NWD2: variants seen among roughly 807,000 people sequenced by gnomAD.
The protein encoded by NWD2 is NACHT and WD repeat domain-containing protein 2.
In NWD2, 37 loss-of-function variants were observed where a neutral mutation model predicts 132.7. The observed-to-expected ratio is 0.28, with a 90% CI of 0.21 to 0.37. The LOEUF (loss-of-function observed/expected upper bound fraction) is 0.37, where lower values mean the gene tolerates loss of function less well. Ranked by LOEUF, NWD2 falls within the 10% of genes least tolerant of loss-of-function variation. The pLI, the probability that NWD2 is intolerant of heterozygous loss-of-function variation, is 1.00. For synonymous variants in NWD2, 705 were observed against 803.0 expected, an observed-to-expected ratio of 0.88 and a Z score of 2.06; for missense variants, 1,592 against 2,122.4, an observed-to-expected ratio of 0.75 and a Z score of 4.91.
chr4:37,378,095 CCTAA>C (rs1403023528), intron 3 of NWD2, among the ~76,000 whole-genome samples: 1 of 152,048 alleles, frequency 6.6e-6, no homozygotes, highest in Non-Finnish European at 1.5e-5. Flanking sequence ...GATTTCTAAG[CCTAA>C]CTTTGATTAT....
intron 1 of NWD2, among the ~76,000 whole-genome samples, chr4:37,301,896 G>T (rs1246906072): frequency 1.1e-5 from 1 of 94,432 alleles, no homozygotes; most frequent in East Asian, 2.0e-4. Context: ...TCAAGGCATT[G>T]TTAGAAAGTA....
intron 2 of NWD2, among the ~76,000 whole-genome samples, chr4:37,346,423 G>A (rs1719638246): frequency 6.6e-6 from 1 of 152,120 alleles, no homozygotes; most frequent in South Asian, 2.1e-4. Context: ...TGGTTTTGTA[G>A]TAAGTTTGAA....
chr4:37,410,002 G>A (rs1392707222), intron 3 of NWD2, among the ~76,000 whole-genome samples: 1 of 152,112 alleles, frequency 6.6e-6, no homozygotes, highest in African/African-American at 2.4e-5. Flanking sequence ...AGCTCCTGAA[G>A]GAAGCACTAA....
chr4:37,253,111 T>C (rs73807455), intron 1 of NWD2, among the ~76,000 whole-genome samples: 11,036 of 152,076 alleles, frequency 0.073, 588 homozygotes, highest in East Asian at 0.2. Context: ...TAGTAAGTCC[T>C]CAACAAGTGT....
intron 2 of NWD2, among the ~76,000 whole-genome samples, chr4:37,343,964 CTAAGAAGTTTT>C (rs1389492085): frequency 3.3e-5 from 5 of 151,910 alleles, no homozygotes; most frequent in African/African-American, 1.2e-4. Context: ...ATTAGCTTCC[CTAAGAAGTTTT>C]TAAAACAACT....
intron 3 of NWD2, among the ~76,000 whole-genome samples, chr4:37,415,049 G>A (rs1343449842): frequency 6.6e-6 from 1 of 152,152 alleles, no homozygotes; most frequent in African/African-American, 2.4e-5. Flanking sequence ...CTTTATTTAA[G>A]ACATATATTG....
At chr4:37,438,431 C>A (rs1372621099) in intron 5 of NWD2, among the ~76,000 whole-genome samples, 1 of 152,084 alleles carries the variant, frequency 6.6e-6, no homozygotes, top group Non-Finnish European at 1.5e-5. Flanking sequence ...TCTTTCCTGG[C>A]CCAGATGGGT....
intron 1 of NWD2, among the ~76,000 whole-genome samples, chr4:37,274,921 G>A (rs563116612): frequency 1.6e-4 from 24 of 152,064 alleles, no homozygotes; most frequent in African/African-American, 5.3e-4. Flanking sequence ...GTAATGATGG[G>A]ACATATCTCA....
Position 37,439,592 on chromosome 4 carries a change from C to A in NWD2, c.1296+202C>A, listed in dbSNP as rs1331175109. ...AAACTCATGGGGTACAACTGGAAAG[C>A]AAGTTTATTTTTTTCTTTCACTGTT... On this transcript the variant is annotated intron_variant, in intron 6 of 6. Transcript: ENST00000309447. The surrounding 1 kb of genome is among the most constrained non-coding windows in gnomAD (Gnocchi z 4.5). 6.6e-6 allele frequency among the ~76,000 whole-genome samples: 1 copy of A among 152,126 alleles called. No homozygotes were observed. The highest frequency in any genetic ancestry group is 1.5e-5 in the Non-Finnish European group (1 of 68,028).
intron 2 of NWD2, among the ~76,000 whole-genome samples, chr4:37,349,423 C>G (rs1173978806): frequency 6.6e-6 from 1 of 152,198 alleles, no homozygotes; most frequent in Admixed American, 6.5e-5. Context: ...TTGCACTTCT[C>G]TAATGACCAG....
chr4:37,419,075 G>C (rs567591254), intron 3 of NWD2, among the ~76,000 whole-genome samples: 11 of 152,208 alleles, frequency 7.2e-5, no homozygotes, highest in African/African-American at 2.2e-4. Flanking sequence ...GAACAGAACA[G>C]AGGCCTCAGA....
At position 37,439,336 on chromosome 4, in the gene NWD2, A is replaced by G. The variant is rs1007169834; in HGVS notation, c.1242A>G (p.Ile414Met). The G allele has an allele frequency of 4.5e-6, 7 of 1,540,508 alleles. No homozygotes were observed. In the African/African-American group the frequency reaches 8.3e-5, roughly 18 times the overall value. ...CTGGACACATCAACCCTCTTATTATATATGGTGGGCCATGCACTGGGAAGA... is the reference window on the plus strand; with the variant it reads ...CTGGACACATCAACCCTCTTATTATGTATGGTGGGCCATGCACTGGGAAGA... ...SKAGHINPLI[I>M]YGGPCTGKTL... The change falls in exon 6 of 7, where the codon ATA (isoleucine) becomes ATG (methionine). Residue 414 changes from isoleucine to methionine, a missense_variant. Physicochemically the swap from Ile to Met is conservative, Grantham distance 10. This residue lies in a region of NWD2 where 1,071 missense variants were observed against 1,398.0 expected (regional missense o/e 0.77). Coordinates refer to ENST00000309447, the MANE Select transcript of NWD2 (RefSeq NM_001144990.2). The surrounding 1 kb of genome is among the most constrained non-coding windows in gnomAD (Gnocchi z 4.5).
intron 3 of NWD2, among the ~76,000 whole-genome samples, chr4:37,361,260 T>C (rs762694828): frequency 2.0e-5 from 3 of 152,054 alleles, no homozygotes; most frequent in Non-Finnish European, 2.9e-5. Flanking sequence ...GCAGAGCTGA[T>C]ACCTATTATA....
At chr4:37,340,329 T>C (rs1485717469) in intron 2 of NWD2, among the ~76,000 whole-genome samples, 1 of 152,136 alleles carries the variant, frequency 6.6e-6, no homozygotes, top group African/African-American at 2.4e-5. Flanking sequence ...TCCAGATACA[T>C]GTGTTACCTC....
At chr4:37,407,832 C>A (rs1721075822) in intron 3 of NWD2, among the ~76,000 whole-genome samples, 1 of 152,144 alleles carries the variant, frequency 6.6e-6, no homozygotes, top group African/African-American at 2.4e-5. Context: ...ACTGAGGTAC[C>A]TGGTTGATCT....
intron 2 of NWD2, among the ~76,000 whole-genome samples, chr4:37,336,962 A>AC (rs1291598310): frequency 1.1e-4 from 16 of 151,328 alleles, no homozygotes; most frequent in Middle Eastern, 3.4e-3. Context: ...GAAAAAAAAA[A>AC]AAAAAAAAAC....
In NWD2 at chr4:37,436,053, G is replaced by A. The variant is rs556792696; in HGVS notation, c.706+2033G>A. On this transcript the variant is annotated intron_variant, in intron 5 of 6. Coordinates refer to ENST00000309447, the MANE Select transcript of NWD2 (RefSeq NM_001144990.2). ...TTCACCTTTTTAAACAACAGGAGAGGACGAGAAATAAATTAGACTCTAAAA... is the reference window on the plus strand; with the variant it reads ...TTCACCTTTTTAAACAACAGGAGAGAACGAGAAATAAATTAGACTCTAAAA... Among the ~76,000 whole-genome samples, 16 of 152,118 alleles carry A rather than the reference G, an allele frequency of 1.1e-4. No homozygotes were observed. In the South Asian group the frequency reaches 3.3e-3, roughly 32 times the overall value.
intron 2 of NWD2, among the ~76,000 whole-genome samples, chr4:37,349,965 T>C (rs1235005299): frequency 6.6e-6 from 1 of 152,212 alleles, no homozygotes; most frequent in African/African-American, 2.4e-5. Context: ...TTGCTTGTTT[T>C]TGTCATGTTT....
intron 1 of NWD2, among the ~76,000 whole-genome samples, chr4:37,256,699 T>C (rs1017909222): frequency 6.6e-6 from 1 of 152,188 alleles, no homozygotes; most frequent in Non-Finnish European, 1.5e-5. Flanking sequence ...TTCAGAAGTC[T>C]AAATCTATTT....
Sources: allele counts gnomAD v4.1 joint callset (sites outside exome capture counted in the v4.1 genomes callset), GRCh38; gene constraint gnomAD v4.1.1; regional missense constraint gnomAD v4.1.1; non-coding constraint Gnocchi (gnomAD v3.1); transcripts MANE v1.5; gene names NCBI Gene and HGNC (gene_info 2026-07-23, HGNC 2026-07-21).